Variants in NIBAN3 observed in about 807,000 individuals in gnomAD.
The protein encoded by NIBAN3 is niban apoptosis regulator 3, also known as protein Niban 3.
Under a neutral mutation model 76.4 loss-of-function variants are expected in NIBAN3, and 66 were observed. The observed-to-expected ratio is 0.86, with a 90% CI of 0.71 to 1.06. The LOEUF (loss-of-function observed/expected upper bound fraction) is 1.06. NIBAN3 is among the 50% of genes least tolerant of loss of function. The pLI is 0.00. For synonymous variants in NIBAN3, 360 were observed against 355.2 expected (o/e 1.01, Z -0.15); for missense variants, 808 against 810.7 (o/e 1.00, Z 0.04).
chr19:17,525,297 G>A (rs2075593190), upstream of NIBAN3, among the ~76,000 whole-genome samples: 1 of 152,144 alleles, frequency 6.6e-6, no homozygotes, highest in African/African-American at 2.4e-5. Context: ...TTTCCGCTTG[G>A]AGTGTAGACT....
intron 12 of NIBAN3, chr19:17,545,482 G>T: frequency 1.1e-5 from 2 of 187,772 alleles, no homozygotes; most frequent in Non-Finnish European, 2.1e-5. Flanking sequence ...CTACTACCAA[G>T]TTGCGGAGAC....
At chr19:17,547,115 G>T (rs778860644) in intron 13 of NIBAN3, among the ~76,000 whole-genome samples, 16 of 152,008 alleles carry the variant, frequency 1.1e-4, no homozygotes, top group Non-Finnish European at 1.0e-4. Context: ...CACTTTGGAA[G>T]GCTGAGGTGG....
In NIBAN3 at chr19:17,540,523, A is replaced by ATGG; in HGVS notation, c.1112_1114dup (p.Met371_Asp372insVal). ...GGTGCGGACCCTCCTGGCTCAAGGC[A>ATGG]TGGACCGACTGTCCCACCGCCTGCG... On this transcript the variant is annotated inframe_insertion, in exon 9 of 15. Transcript: ENST00000599164. The ATGG allele has an allele frequency of 6.3e-7, 1 of 1,588,280 alleles. No individual in the cohort carries two copies. Among genetic ancestry groups the ATGG allele is most frequent in the Non-Finnish European group, 8.6e-7 (1 of 1,167,530 alleles).
At chr19:17,529,313 A>G (rs1031507390) in intron 1 of NIBAN3, among the ~76,000 whole-genome samples, 1 of 151,918 alleles carries the variant, frequency 6.6e-6, no homozygotes, top group Non-Finnish European at 1.5e-5. Flanking sequence ...TTTCTCCTCA[A>G]ACTGAGAGGT....
At chr19:17,536,327 A>C (rs2075823618) in intron 4 of NIBAN3, among the ~76,000 whole-genome samples, 1 of 152,036 alleles carries the variant, frequency 6.6e-6, no homozygotes, top group African/African-American at 2.4e-5. Flanking sequence ...AGTAGCTGAG[A>C]CCATAGGCAC....
upstream of NIBAN3, among the ~76,000 whole-genome samples, chr19:17,526,827 G>A (rs2075614398): frequency 6.6e-6 from 1 of 151,968 alleles, no homozygotes; most frequent in Admixed American, 6.5e-5. Flanking sequence ...CCCCAGCACT[G>A]ACCTCAGGGA....
chr19:17,553,155 T>C lies in NIBAN3; in HGVS notation c.*1257T>C. The C allele has an allele frequency of 9.0e-7, 1 of 1,115,358 alleles. No individual in the cohort carries two copies. The highest frequency in any genetic ancestry group is 1.7e-5 in the South Asian group (1 of 58,124). 69.1% of individuals were successfully genotyped at this position (1,115,358 alleles called of 1,614,324 possible). A position where few individuals can be genotyped will look rare whatever the true frequency, so the allele number is the denominator to read the frequency against. ...TTTTTTAATTTCAGTGAATTGCCTG[T>C]TCATAGCTTTTTTCTACTTTTCAGG... On this transcript the variant is annotated 3_prime_UTR_variant, in exon 15 of 15. Transcript: ENST00000599164.
At chr19:17,540,879 G>A (rs1044254073) in intron 9 of NIBAN3, among the ~76,000 whole-genome samples, 11 of 152,164 alleles carry the variant, frequency 7.2e-5, no homozygotes, top group African/African-American at 1.9e-4. Flanking sequence ...AAATACAGGC[G>A]CACGCCACCA....
At chr19:17,540,108 C>G in intron 8 of NIBAN3, 1 of 408,272 alleles carries the variant, frequency 2.4e-6, no homozygotes, top group East Asian at 3.8e-5. Context: ...AGGCCCAGAG[C>G]CGGGCCAATG....
At chr19:17,551,228 T>A (rs2076150022) in intron 14 of NIBAN3, among the ~76,000 whole-genome samples, 1 of 151,922 alleles carries the variant, frequency 6.6e-6, no homozygotes, top group Non-Finnish European at 1.5e-5. Flanking sequence ...CCCCAGTAGC[T>A]GGGATTACAG....
chr19:17,549,817 T>G, intron 14 of NIBAN3: 1 of 516,474 alleles, frequency 1.9e-6, no homozygotes, highest in Non-Finnish European at 3.4e-6. Context: ...TCTCTCTCTC[T>G]CTCTCTCTCT....
intron 2 of NIBAN3, among the ~76,000 whole-genome samples, chr19:17,531,868 ACCTC>A (rs2144683524): frequency 6.6e-6 from 1 of 152,268 alleles, no homozygotes; most frequent in African/African-American, 2.4e-5. Context: ...TGCCCCACAC[ACCTC>A]ACTCAGTCTT....
At chr19:17,549,779 G>A in intron 14 of NIBAN3, 1 of 565,028 alleles carries the variant, frequency 1.8e-6, no homozygotes, top group African/African-American at 1.9e-5. Flanking sequence ...GCCCTGGGGG[G>A]CTGAGATTGT....
rs565920221 is a variant in NIBAN3 at position 17,542,226 on chromosome 19, CTGGCAGCACCGTT to C, written c.1266_1278del (p.Ala423PhefsTer34). ...GCGGAGCCGGGGGCGCTTGGGGCAG[CTGGCAGCACCGTT>C]TGGCTTTCTGGGGATGCAGAGCCTC... is the stretch of plus-strand genomic sequence containing the variant. On this transcript the variant is annotated frameshift_variant, in exon 10 of 15. Transcript: ENST00000599164. LOFTEE classifies it high-confidence loss of function. This position sits in a 1 kb window ranked among gnomAD's most constrained non-coding sequence, Gnocchi z 4.8. 2,390 of 1,613,966 alleles carry C rather than the reference CTGGCAGCACCGTT, an allele frequency of 1.5e-3. 42 individuals are homozygous for C. The Admixed American group carries it at 0.024, about 16-fold the overall frequency.
At chr19:17,523,365 A>T, upstream of NIBAN3, 1 of 1,434,870 alleles carries the variant, frequency 7.0e-7, no homozygotes, top group Non-Finnish European at 9.5e-7. Context: ...AGTGGAGCCG[A>T]AACCACAGAA....
chr19:17,541,441 G>C (rs1254836532), intron 9 of NIBAN3, among the ~76,000 whole-genome samples: 1 of 151,920 alleles, frequency 6.6e-6, no homozygotes, highest in Non-Finnish European at 1.5e-5. Context: ...TCTATACTCT[G>C]TCTCCCCTAA....
chr19:17,546,688 G>T lies in NIBAN3; in HGVS notation c.1557G>T (p.Glu519Asp). 1 of 1,567,170 alleles carries T rather than the reference G, an allele frequency of 6.4e-7. No individual in the cohort carries two copies. The highest frequency in any genetic ancestry group is 8.6e-7 in the Non-Finnish European group (1 of 1,157,100). Residue 519 changes from glutamate (E) to aspartate (D), a missense_variant and splice_region_variant, in exon 13 of 15, where the codon GAG (glutamate) becomes GAT (aspartate). Coordinates refer to ENST00000599164, the MANE Select transcript of NIBAN3 (RefSeq NM_001321827.2). Reference protein sequence around the residue: ...LSQLEPGCKKELPEFEGDVLA... With the variant: ...LSQLEPGCKKDLPEFEGDVLA... ...CCCCTAACCCGCCATGGTTCCAGGA[G>T]CTGCCTGAGTTCGAGGGGGATGTCC...
chr19:17,523,569 A>G (rs1481580900), upstream of NIBAN3: 1 of 872,668 alleles, frequency 1.1e-6, no homozygotes, highest in Admixed American at 2.6e-5. Flanking sequence ...GTGAAGGGAA[A>G]TTGAGCTGCC....
intron 3 of NIBAN3, 43 bp downstream of exon 3, chr19:17,532,431 T>C: frequency 6.2e-7 from 1 of 1,613,952 alleles, no homozygotes; most frequent in Non-Finnish European, 8.5e-7. Flanking sequence ...GGGTCCCTCC[T>C]TCCCACCCCC....
Sources: allele counts gnomAD v4.1 joint callset (sites outside exome capture counted in the v4.1 genomes callset), GRCh38; gene constraint gnomAD v4.1.1; non-coding constraint Gnocchi (gnomAD v3.1); transcripts MANE v1.5; gene names NCBI Gene and HGNC (gene_info 2026-07-23, HGNC 2026-07-21).